The following B3GALT1 variants were observed in gnomAD, a reference collection of about 807,000 sequenced individuals.
B3GALT1 encodes the protein beta-1,3-galactosyltransferase 1.
A neutral mutation model predicts 23.2 loss-of-function variants in B3GALT1; 10 were observed. The ratio of observed to expected loss-of-function variants is 0.43; its 90% CI spans 0.27 to 0.73. The LOEUF (loss-of-function observed/expected upper bound fraction) is 0.73, where lower values mean the gene tolerates loss of function less well. B3GALT1 is among the 30% of genes least tolerant of loss of function. B3GALT1 has a pLI of 0.21. For missense variants in B3GALT1, 299 were observed against 405.4 expected, an observed-to-expected ratio of 0.74 and a Z score of 2.25; for synonymous variants, 156 against 141.5, an observed-to-expected ratio of 1.10 and a Z score of -0.73.
chr2:167,544,458 C>T (rs1313899089), intron 2 of B3GALT1, among the ~76,000 whole-genome samples: 1 of 151,952 alleles, frequency 6.6e-6, no homozygotes, highest in Admixed American at 6.6e-5. Flanking sequence ...CCACGCGTGG[C>T]TAATTTTTGT....
chr2:167,437,348 C>A (rs987955257), intron 1 of B3GALT1, among the ~76,000 whole-genome samples: 3 of 152,192 alleles, frequency 2.0e-5, no homozygotes, highest in African/African-American at 4.8e-5. Flanking sequence ...AATTTCAATT[C>A]TTCCTGTTTA....
intron 3 of B3GALT1, among the ~76,000 whole-genome samples, chr2:167,677,632 G>A (rs1462694497): frequency 1.3e-5 from 2 of 152,088 alleles, no homozygotes; most frequent in Admixed American, 1.3e-4. Flanking sequence ...CCCTGCTAGG[G>A]GCAGTTCACC....
intron 3 of B3GALT1, among the ~76,000 whole-genome samples, chr2:167,774,647 G>A (rs1452567435): frequency 4.0e-5 from 6 of 151,656 alleles, no homozygotes; most frequent in Non-Finnish European, 8.8e-5. Flanking sequence ...ACAGGCATGT[G>A]CCACCGCTCC....
chr2:167,587,297 A>T (rs1267855469), intron 2 of B3GALT1, among the ~76,000 whole-genome samples: 1 of 152,202 alleles, frequency 6.6e-6, no homozygotes, highest in Non-Finnish European at 1.5e-5. Flanking sequence ...AACCCATATT[A>T]TCATTTTATT....
intron 1 of B3GALT1, among the ~76,000 whole-genome samples, chr2:167,386,935 C>T (rs1485250302): frequency 2.0e-5 from 3 of 152,176 alleles, no homozygotes; most frequent in Non-Finnish European, 2.9e-5. Context: ...TGTCTCTCAC[C>T]TCCTCTGCCG....
rs76344416 is a variant in B3GALT1 at position 167,439,650 on chromosome 2, T to C, written c.-510-50527T>C. Among the ~76,000 whole-genome samples the C allele has an allele frequency of 5.5e-3, 832 of 152,238 alleles. 10 individuals are homozygous for C. The highest frequency in any genetic ancestry group is 0.019 in the African/African-American group (798 of 41,552). ...ACATGTGCCATGCTGGTGTGCTGCT[T>C]ATTTCTCTACTACTGAAAATTATCA... On this transcript the variant is annotated intron_variant, in intron 1 of 4. Coordinates refer to ENST00000392690, the MANE Select transcript of B3GALT1 (RefSeq NM_020981.4).
At chr2:167,492,702 A>G (rs1699727820) in intron 2 of B3GALT1, among the ~76,000 whole-genome samples, 1 of 152,164 alleles carries the variant, frequency 6.6e-6, no homozygotes, top group Non-Finnish European at 1.5e-5. Context: ...TCATGGTCTC[A>G]TGTTCTAACA....
intron 1 of B3GALT1, among the ~76,000 whole-genome samples, chr2:167,432,128 A>T (rs1214554471): frequency 6.6e-6 from 1 of 152,118 alleles, no homozygotes; most frequent in African/African-American, 2.4e-5. Context: ...GACCCTATTG[A>T]GTCAGCAGAG....
chr2:167,337,251 A>T lies in B3GALT1; in HGVS notation c.-511+43917A>T, dbSNP rs1574038390. Among the ~76,000 whole-genome samples the T allele has an allele frequency of 2.0e-5, 3 of 152,134 alleles. No individual in the cohort carries two copies. In the South Asian group the frequency reaches 6.2e-4, roughly 32 times the overall value. On this transcript the variant is annotated intron_variant, in intron 1 of 4. Transcript: ENST00000392690. The stretch of plus-strand genomic sequence containing the variant: ...CTATAATGCAGGTACTTACTAGGGG[A>T]TATAAGGTAATATGCTGTGAGGATT...
intron 3 of B3GALT1, among the ~76,000 whole-genome samples, chr2:167,770,925 C>G (rs904482531): frequency 2.6e-5 from 4 of 152,182 alleles, no homozygotes; most frequent in African/African-American, 9.7e-5. Context: ...TGCCCTATCT[C>G]CATTTTCGAT....
At chr2:167,355,946 G>A (rs1697393908) in intron 1 of B3GALT1, among the ~76,000 whole-genome samples, 2 of 152,124 alleles carry the variant, frequency 1.3e-5, no homozygotes, top group Admixed American at 6.5e-5. Flanking sequence ...GTTTCAATAT[G>A]GAAGAAAGAG....
At chr2:167,681,841 T>G (rs2029084) in intron 3 of B3GALT1, among the ~76,000 whole-genome samples, 32,784 of 152,132 alleles carry the variant, frequency 0.22, 4,371 homozygotes, top group Middle Eastern at 0.31. Flanking sequence ...ACACAAAGCC[T>G]TTGTCAGTAG....
chr2:167,564,215 A>ATCTCTGTGAGGC (rs1558907557), intron 2 of B3GALT1, among the ~76,000 whole-genome samples: 1 of 133,104 alleles, frequency 7.5e-6, no homozygotes, highest in East Asian at 2.4e-4. Context: ...CGCTCCTCAC[A>ATCTCTGTGAGGC]TCCCGGACGG....
intron 1 of B3GALT1, among the ~76,000 whole-genome samples, chr2:167,348,256 C>T (rs1697255885): frequency 6.6e-6 from 1 of 152,060 alleles, no homozygotes; most frequent in Non-Finnish European, 1.5e-5. Context: ...GACATACATG[C>T]GTCCATTTAA....
Position 167,806,208 on chromosome 2 carries a change from T to A in B3GALT1, c.-351-12464T>A, listed in dbSNP as rs1297537775. On this transcript the variant is annotated intron_variant, in intron 3 of 4. Coordinates refer to ENST00000392690, the MANE Select transcript of B3GALT1 (RefSeq NM_020981.4). ...CCTGAGACTTTGCTGAAGTTGCCCA[T>A]CAGCTTAAGGAGATTTTGGGCTGAG... Among the ~76,000 whole-genome samples, 387 of 152,326 alleles carry A rather than the reference T, an allele frequency of 2.5e-3. 2 individuals are homozygous for A. The highest frequency in any genetic ancestry group is 3.9e-3 in the Non-Finnish European group (265 of 68,016).
At chr2:167,598,755 A>G (rs746042808) in intron 2 of B3GALT1, among the ~76,000 whole-genome samples, 4 of 152,166 alleles carry the variant, frequency 2.6e-5, no homozygotes, top group East Asian at 1.9e-4. Flanking sequence ...TTTGTTACAT[A>G]TATAATAGGG....
intron 4 of B3GALT1, among the ~76,000 whole-genome samples, chr2:167,825,283 C>CAAAAAAAAAAAAAAAAAA (rs71963760): frequency 2.4e-5 from 2 of 82,210 alleles, no homozygotes; most frequent in African/African-American, 1.0e-4. Flanking sequence ...GACTCCGTCT[C>CAAAAAAAAAAAAAAAAAA]AAAAAAAAAA....
At chr2:167,568,788 A>G (rs1684230318) in intron 2 of B3GALT1, among the ~76,000 whole-genome samples, 1 of 151,640 alleles carries the variant, frequency 6.6e-6, no homozygotes, top group African/African-American at 2.4e-5. Context: ...TTTTTATCTA[A>G]AGAGTCATTG....
intron 1 of B3GALT1, among the ~76,000 whole-genome samples, chr2:167,373,257 C>T (rs1349355140): frequency 6.6e-6 from 1 of 151,852 alleles, no homozygotes; most frequent in Non-Finnish European, 1.5e-5. Context: ...TAAAAAACAA[C>T]AGTATGAAGC....
Sources: gnomAD v4.1 joint callset for allele counts (sites outside exome capture counted in the v4.1 genomes callset) on GRCh38, gnomAD v4.1.1 for gene constraint, MANE v1.5 for transcripts, NCBI Gene and HGNC (gene_info 2026-07-23, HGNC 2026-07-21) for gene names.